IMPA1: variants seen among roughly 807,000 people sequenced by gnomAD.
IMPA1 encodes the protein D-galactose 1-phosphate phosphatase.
IMPA1 carries 21 observed loss-of-function variants against 34.9 expected under a neutral mutation model. The observed-to-expected ratio is 0.60, with a 90% CI of 0.43 to 0.87. The LOEUF (loss-of-function observed/expected upper bound fraction) is 0.87, where lower values mean the gene tolerates loss of function less well. IMPA1 is among the 40% of genes least tolerant of loss of function. The pLI is 0.00. For synonymous variants in IMPA1, 95 were observed against 104.4 expected (o/e 0.91, Z 0.55); for missense variants, 299 against 336.4 (o/e 0.89, Z 0.87).
chr8:81,680,922 T>A (rs1433219413), intron 2 of IMPA1, 139 bp from the exon 3 acceptor site: 1 of 664,262 alleles, frequency 1.5e-6, no homozygotes, highest in African/African-American at 1.8e-5. Context: ...TACAAATATA[T>A]CTATAAAATA....
chr8:81,669,085 CA>C (rs1806916404), intron 7 of IMPA1, among the ~76,000 whole-genome samples: 1 of 152,192 alleles, frequency 6.6e-6, no homozygotes, highest in African/African-American at 2.4e-5. Flanking sequence ...AGATTGTCCT[CA>C]GAAGCCTGGG....
chr8:81,676,315 C>A, intron 4 of IMPA1, 36 bp from the exon 5 acceptor site: 1 of 996,736 alleles, frequency 1.0e-6, no homozygotes, highest in South Asian at 1.7e-5. Context: ...ACAAATTAAC[C>A]AACATAGAAC....
intron 7 of IMPA1, among the ~76,000 whole-genome samples, chr8:81,663,399 T>A (rs1392361823): frequency 6.6e-6 from 1 of 152,202 alleles, no homozygotes; most frequent in East Asian, 1.9e-4. Context: ...TTGTACATGG[T>A]CAACCTATAT....
intron 7 of IMPA1, among the ~76,000 whole-genome samples, chr8:81,668,024 C>T (rs970709517): frequency 9.2e-5 from 14 of 151,934 alleles, no homozygotes; most frequent in African/African-American, 2.4e-4. Flanking sequence ...AGGGTTTCAC[C>T]GTGTTAGCCA....
chr8:81,677,102 T>A (rs1683285064), intron 4 of IMPA1, among the ~76,000 whole-genome samples: 1 of 152,156 alleles, frequency 6.6e-6, no homozygotes, highest in African/African-American at 2.4e-5. Flanking sequence ...TAGTGATTTT[T>A]TTTTTTTTTG....
intron 7 of IMPA1, among the ~76,000 whole-genome samples, chr8:81,667,919 T>G (rs1020799663): frequency 3.3e-5 from 5 of 151,436 alleles, no homozygotes; most frequent in East Asian, 2.0e-4. Flanking sequence ...CGCCTCCCAG[T>G]TTCACGCCAT....
intron 1 of IMPA1, chr8:81,685,735 T>G: frequency 7.2e-7 from 1 of 1,396,404 alleles, no homozygotes; most frequent in Non-Finnish European, 9.6e-7. Flanking sequence ...GTACATTTAT[T>G]GATGGGCAGG....
At chr8:81,679,640 G>T (rs904235057) in intron 3 of IMPA1, among the ~76,000 whole-genome samples, 3 of 149,340 alleles carry the variant, frequency 2.0e-5, no homozygotes, top group Non-Finnish European at 4.4e-5. Context: ...AATAGCAAAA[G>T]TCTGTACCCT....
At chr8:81,676,361 T>C (rs1230375205) in intron 4 of IMPA1, 82 bp from the exon 5 acceptor site, 2 of 660,728 alleles carry the variant, frequency 3.0e-6, no homozygotes, top group Non-Finnish European at 4.8e-6. Context: ...ATAATATAAG[T>C]GTTCTTAAAA....
At chr8:81,675,785 A>G (rs1466954631) in intron 5 of IMPA1, among the ~76,000 whole-genome samples, 1 of 152,174 alleles carries the variant, frequency 6.6e-6, no homozygotes, top group Non-Finnish European at 1.5e-5. Flanking sequence ...GACAACCTGA[A>G]CTATGTGTAG....
chr8:81,670,437 A>C (rs1240254695), intron 7 of IMPA1, among the ~76,000 whole-genome samples: 2 of 152,166 alleles, frequency 1.3e-5, no homozygotes, highest in East Asian at 3.8e-4. Flanking sequence ...AAACCAGCTT[A>C]AATTAAAATC....
intron 7 of IMPA1, among the ~76,000 whole-genome samples, chr8:81,662,778 C>CT (rs137947800): frequency 4.6e-5 from 7 of 152,046 alleles, no homozygotes; most frequent in East Asian, 1.9e-4. Flanking sequence ...ATAAAAATAG[C>CT]TTTTTTTATG....
intron 1 of IMPA1, among the ~76,000 whole-genome samples, chr8:81,685,551 T>G (rs1807488609): frequency 1.4e-5 from 2 of 146,076 alleles, no homozygotes; most frequent in Non-Finnish European, 3.0e-5. Flanking sequence ...TACGTAAGTA[T>G]ATTTATGTAC....
chr8:81,657,710 A>G lies in IMPA1; in HGVS notation c.*1641T>C, dbSNP rs1226017948. 6.6e-6 allele frequency among the ~76,000 whole-genome samples: 1 copy of G among 152,124 alleles called. No individual in the cohort carries two copies. Among genetic ancestry groups the G allele is most frequent in the Non-Finnish European group, 1.5e-5 (1 of 68,020 alleles). ...CACTTTGGGAGGCCAAGGGGCCTGG[A>G]AAACATAGGAAGATCCCATCTTTAC... On this transcript the variant is annotated 3_prime_UTR_variant, in exon 9 of 9. Transcript: ENST00000256108.
At chr8:81,660,055 C>A (rs780502068) in intron 8 of IMPA1, among the ~76,000 whole-genome samples, 1 of 152,188 alleles carries the variant, frequency 6.6e-6, no homozygotes, top group Non-Finnish European at 1.5e-5. Context: ...CTGGGCCACA[C>A]TGGAAGAATA....
chr8:81,667,019 A>G (rs1436548940), intron 7 of IMPA1, among the ~76,000 whole-genome samples: 1 of 152,160 alleles, frequency 6.6e-6, no homozygotes, highest in Non-Finnish European at 1.5e-5. Flanking sequence ...ACATCAAATA[A>G]CACAGCTTCC....
At chr8:81,676,975 C>T (rs1352903466) in intron 4 of IMPA1, among the ~76,000 whole-genome samples, 1 of 151,960 alleles carries the variant, frequency 6.6e-6, no homozygotes, top group Non-Finnish European at 1.5e-5. Flanking sequence ...GCCTGGGTGA[C>T]AGAGATGCTG....
Position 81,657,860 on chromosome 8 carries a change from AC to A in IMPA1, c.*1490del, listed in dbSNP as rs1806561313. On this transcript the variant is annotated 3_prime_UTR_variant, in exon 9 of 9. Coordinates refer to ENST00000256108, the MANE Select transcript of IMPA1 (RefSeq NM_005536.4). ...TAAGGATACAGTGAGCTATGACTGC[AC>A]CACAGCACAGTCAGAGACAGACCCT... is the stretch of plus-strand genomic sequence containing the variant. 1.3e-5 allele frequency: 2 copies of A among 152,166 alleles called. No individual in the cohort carries two copies. The highest frequency in any genetic ancestry group is 2.9e-5 in the Non-Finnish European group (2 of 68,022). 9.4% of individuals were successfully genotyped at this position (152,166 alleles called of 1,614,324 possible).
chr8:81,660,799 A>G (rs1325635590), intron 7 of IMPA1, 132 bp from the exon 8 acceptor site: 10 of 513,314 alleles, frequency 1.9e-5, no homozygotes, highest in Non-Finnish European at 3.4e-6. Context: ...TTAAGAGGTG[A>G]TATCTAATTG....
Sources: gnomAD v4.1 joint callset for allele counts (sites outside exome capture counted in the v4.1 genomes callset) on GRCh38, gnomAD v4.1.1 for gene constraint, MANE v1.5 for transcripts, NCBI Gene and HGNC (gene_info 2026-07-23, HGNC 2026-07-21) for gene names.